The following STAG1 variants were observed in gnomAD, a reference collection of about 807,000 sequenced individuals.
STAG1 encodes STAG1 cohesin complex component, also known as cohesin subunit SA-1.
In STAG1, 26 loss-of-function variants were observed where a neutral mutation model predicts 170.9. The ratio of observed to expected loss-of-function variants is 0.15; its 90% confidence interval spans 0.11 to 0.21. The LOEUF is 0.21. STAG1 is among the 10% of genes least tolerant of loss of function. The pLI is 1.00. For synonymous variants in STAG1, 514 were observed against 497.7 expected, an observed-to-expected ratio of 1.03 and a Z score of -0.44; for missense variants, 964 against 1,509.5, an observed-to-expected ratio of 0.64 and a Z score of 5.99.
At chr3:136,670,065 T>G (rs1391321278) in intron 1 of STAG1, among the ~76,000 whole-genome samples, 6 of 152,206 alleles carry the variant, frequency 3.9e-5, no homozygotes, top group African/African-American at 1.2e-4. Context: ...CCCAACACTT[T>G]GGGAGGCCAA....
intron 16 of STAG1, among the ~76,000 whole-genome samples, chr3:136,427,766 TTA>T (rs755319455): frequency 8.5e-5 from 13 of 152,092 alleles, no homozygotes; most frequent in Non-Finnish European, 1.5e-4. Flanking sequence ...GAAGTACAGC[TTA>T]TATATGGGTG....
At chr3:136,505,663 G>A (rs922439099) in intron 7 of STAG1, among the ~76,000 whole-genome samples, 1 of 152,168 alleles carries the variant, frequency 6.6e-6, no homozygotes, top group Non-Finnish European at 1.5e-5. Flanking sequence ...AGATACACAA[G>A]TGAACAAAAC....
At chr3:136,515,139 C>G (rs1401586913) in intron 7 of STAG1, among the ~76,000 whole-genome samples, 2 of 152,004 alleles carry the variant, frequency 1.3e-5, no homozygotes, top group South Asian at 2.1e-4. Flanking sequence ...CCAAGGTGGG[C>G]GGACTGCCCG....
At chr3:136,625,977 C>T (rs1024738466) in intron 2 of STAG1, among the ~76,000 whole-genome samples, 53 of 151,808 alleles carry the variant, frequency 3.5e-4, no homozygotes, top group African/African-American at 1.2e-3. Flanking sequence ...CGCTTGAACC[C>T]GGGAGATGGA....
At position 136,383,946 on chromosome 3, in the gene STAG1, C is replaced by A. The variant is rs561460897; in HGVS notation, c.2278-6194G>T. 3.6e-5 allele frequency among the ~76,000 whole-genome samples: 5 copies of A among 140,200 alleles called. 1 individual carries two copies. The South Asian group carries it at 9.1e-4, about 26-fold the overall frequency. 92.0% of individuals were successfully genotyped at this position (140,200 alleles called of 152,430 possible). On this transcript the variant is annotated intron_variant, in intron 22 of 33. Transcript: ENST00000383202. ...CTCCAGCCTGGGCAACAGTGCAAGA[C>A]TCCGTCTCAAAAAAAAAAAAAAAAA...
intron 3 of STAG1, among the ~76,000 whole-genome samples, chr3:136,607,699 G>A (rs963308408): frequency 6.6e-6 from 1 of 152,210 alleles, no homozygotes; most frequent in Admixed American, 6.5e-5. Context: ...CACCGTGTCC[G>A]ATGTAATTCA....
At chr3:136,449,641 T>C (rs747067443) in intron 14 of STAG1, among the ~76,000 whole-genome samples, 3 of 151,074 alleles carry the variant, frequency 2.0e-5, no homozygotes, top group African/African-American at 7.3e-5. Context: ...CTTTAGAAAA[T>C]GGTAGCAAAC....
At chr3:136,397,257 G>A (rs2108338491) in intron 22 of STAG1, among the ~76,000 whole-genome samples, 1 of 152,266 alleles carries the variant, frequency 6.6e-6, no homozygotes, top group African/African-American at 2.4e-5. Context: ...CCAATGTGAA[G>A]TATTTTTTGT....
intron 22 of STAG1, among the ~76,000 whole-genome samples, chr3:136,383,737 C>T (rs957757325): frequency 4.0e-5 from 6 of 151,808 alleles, no homozygotes; most frequent in African/African-American, 1.5e-4. Flanking sequence ...GGGCGGATCA[C>T]GAGGTCAGGA....
At chr3:136,466,239 A>C (rs1321373872) in intron 12 of STAG1, among the ~76,000 whole-genome samples, 3 of 152,178 alleles carry the variant, frequency 2.0e-5, no homozygotes, top group Admixed American at 6.5e-5. Flanking sequence ...CATCGCAAAG[A>C]AGCTAAAAAC....
chr3:136,617,433 C>G (rs1235741567), intron 3 of STAG1, among the ~76,000 whole-genome samples: 1 of 152,158 alleles, frequency 6.6e-6, no homozygotes, highest in East Asian at 1.9e-4. Context: ...AGGCCTTCAC[C>G]TGGCCTATGG....
At chr3:136,560,455 C>T (rs930987308) in intron 5 of STAG1, among the ~76,000 whole-genome samples, 5 of 152,152 alleles carry the variant, frequency 3.3e-5, no homozygotes, top group Non-Finnish European at 5.9e-5. Context: ...TGAATACATG[C>T]TATAATTCTG....
chr3:136,574,144 G>A (rs1375335542), intron 4 of STAG1, among the ~76,000 whole-genome samples: 1 of 152,074 alleles, frequency 6.6e-6, no homozygotes, highest in Non-Finnish European at 1.5e-5. Flanking sequence ...GGGAGGCTGA[G>A]GCAGGAGAAT....
intron 29 of STAG1, among the ~76,000 whole-genome samples, chr3:136,348,004 A>G (rs912322305): frequency 6.6e-6 from 1 of 152,244 alleles, no homozygotes; most frequent in Non-Finnish European, 1.5e-5. Flanking sequence ...TGTTTCCCCA[A>G]TAATGAAAAG....
chr3:136,597,085 T>A lies in STAG1; in HGVS notation c.297+7224A>T, dbSNP rs542976894. ...AGCGAGACTGTATCTTAAAAAAAAA[T>A]TTTTTTTCAGAGTTTAAATATACCA... On this transcript the variant is annotated intron_variant, in intron 4 of 33. Transcript: ENST00000383202. 3.3e-5 allele frequency among the ~76,000 whole-genome samples: 5 copies of A among 152,060 alleles called. No individual in the cohort carries two copies. The East Asian group carries it at 7.7e-4, about 24-fold the overall frequency.
chr3:136,374,146 C>T (rs542445239), intron 23 of STAG1, among the ~76,000 whole-genome samples: 2 of 151,990 alleles, frequency 1.3e-5, no homozygotes, highest in South Asian at 2.1e-4. Flanking sequence ...CTGTTTCATC[C>T]GAGACTAGGA....
chr3:136,471,882 T>C (rs113831496), intron 12 of STAG1, among the ~76,000 whole-genome samples: 1 of 152,172 alleles, frequency 6.6e-6, no homozygotes, highest in African/African-American at 2.4e-5. Context: ...ATATCACCTA[T>C]GCTGGAATGC....
At chr3:136,686,442 A>C (rs887229562) in intron 1 of STAG1, among the ~76,000 whole-genome samples, 2 of 151,862 alleles carry the variant, frequency 1.3e-5, no homozygotes, top group Admixed American at 1.3e-4. Context: ...AAAAGGAAAA[A>C]CCCTCATGGC....
At chr3:136,370,742 T>C (rs9811490) in intron 23 of STAG1, among the ~76,000 whole-genome samples, 54,842 of 152,036 alleles carry the variant, frequency 0.36, 10,888 homozygotes, top group African/African-American at 0.52. Context: ...TGCCACATTT[T>C]CTTAATCTGG....
Sources: allele counts gnomAD v4.1 joint callset (sites outside exome capture counted in the v4.1 genomes callset), GRCh38; gene constraint gnomAD v4.1.1; transcripts MANE v1.5; gene names NCBI Gene and HGNC (gene_info 2026-07-23, HGNC 2026-07-21).